Variants in PRKG1 observed in about 807,000 individuals in gnomAD.
PRKG1 encodes cGMP-dependent protein kinase 1.
In PRKG1, 35 loss-of-function variants were observed where a neutral mutation model predicts 88.1. That is an observed-to-expected ratio of 0.40 (90% confidence interval 0.30 to 0.53). PRKG1 has a LOEUF of 0.53. PRKG1 is among the 20% of genes least tolerant of loss of function. PRKG1 has a pLI of 0.59. For missense variants in PRKG1, 540 were observed against 839.8 expected (o/e 0.64, Z 4.41); for synonymous variants, 303 against 292.5 (o/e 1.04, Z -0.37).
intron 2 of PRKG1, among the ~76,000 whole-genome samples, chr10:51,177,903 T>C (rs1837239573): frequency 6.6e-6 from 1 of 152,070 alleles, no homozygotes; most frequent in Non-Finnish European, 1.5e-5. Context: ...ACATATATAC[T>C]ATAACCATAG....
At chr10:51,262,781 G>T (rs937498491) in intron 2 of PRKG1, among the ~76,000 whole-genome samples, 13 of 152,148 alleles carry the variant, frequency 8.5e-5, no homozygotes, top group African/African-American at 3.1e-4. Context: ...AGAGAAGGGG[G>T]AAGTGCCCAC....
At chr10:51,674,013 T>A (rs1366995235) in intron 3 of PRKG1, among the ~76,000 whole-genome samples, 2 of 152,102 alleles carry the variant, frequency 1.3e-5, no homozygotes, top group Non-Finnish European at 2.9e-5. Context: ...GTACCCTAAG[T>A]ATTGATTAGA....
At chr10:51,061,381 A>G (rs1843691013) in intron 1 of PRKG1, among the ~76,000 whole-genome samples, 1 of 152,194 alleles carries the variant, frequency 6.6e-6, no homozygotes, top group Non-Finnish European at 1.5e-5. Flanking sequence ...TCCCTCTCAC[A>G]ACACGGGAAT....
At chr10:51,863,026 C>T (rs1364019756) in intron 4 of PRKG1, among the ~76,000 whole-genome samples, 1 of 152,062 alleles carries the variant, frequency 6.6e-6, no homozygotes, top group Admixed American at 6.6e-5. Context: ...GAATATAAAT[C>T]TCATATCCTC....
intron 2 of PRKG1, among the ~76,000 whole-genome samples, chr10:51,273,108 G>A (rs189954290): frequency 4.6e-4 from 70 of 152,292 alleles, no homozygotes; most frequent in African/African-American, 1.7e-3. Flanking sequence ...CACTGGGCAT[G>A]GAGTCTTCTT....
chr10:51,455,438 T>A, intron 2 of PRKG1, among the ~76,000 whole-genome samples: 1 of 152,152 alleles, frequency 6.6e-6, no homozygotes, highest in Non-Finnish European at 1.5e-5. Flanking sequence ...AAAAAATGGG[T>A]TTTTCTTTCC....
chr10:51,144,588 G>A (rs995031335), intron 1 of PRKG1, among the ~76,000 whole-genome samples: 1 of 152,072 alleles, frequency 6.6e-6, no homozygotes, highest in Non-Finnish European at 1.5e-5. Flanking sequence ...TGGTTAAGAA[G>A]CTTGGTAACC....
At chr10:51,677,117 G>A (rs1022824635) in intron 3 of PRKG1, among the ~76,000 whole-genome samples, 7 of 152,022 alleles carry the variant, frequency 4.6e-5, no homozygotes, top group African/African-American at 1.7e-4. Context: ...CCTATTTCTG[G>A]GATGGAATTA....
intron 5 of PRKG1, among the ~76,000 whole-genome samples, chr10:52,030,075 G>A (rs2133207883): frequency 6.6e-6 from 1 of 152,252 alleles, no homozygotes; most frequent in South Asian, 2.1e-4. Flanking sequence ...AATCCCATCA[G>A]AGGCTTCATT....
intron 3 of PRKG1, among the ~76,000 whole-genome samples, chr10:51,559,657 G>C (rs1008919702): frequency 6.6e-6 from 1 of 151,962 alleles, no homozygotes; most frequent in African/African-American, 2.4e-5. Context: ...AGACATAAAA[G>C]GTTTTCATAA....
chr10:51,138,071 A>G (rs1017805969), intron 1 of PRKG1, among the ~76,000 whole-genome samples: 2 of 152,160 alleles, frequency 1.3e-5, no homozygotes, highest in South Asian at 2.1e-4. Flanking sequence ...TTACTTGTAG[A>G]TTTACTCCTC....
rs1413267103 is a variant in PRKG1, at chr10:52,118,236, C to A, written c.936-15604C>A. Among the ~76,000 whole-genome samples, 4 of 151,942 alleles carry A rather than the reference C, an allele frequency of 2.6e-5. No homozygotes were observed. The East Asian group carries it at 7.7e-4, about 29-fold the overall frequency. On this transcript the variant is annotated intron_variant, in intron 7 of 17. Coordinates refer to ENST00000373980, the MANE Select transcript of PRKG1 (RefSeq NM_006258.4). ...TTTTCTCTGTTTAAAGGATGTTTCT[C>A]TTTCCTTGTCTGTGAACTGACTGTT... is the stretch of plus-strand genomic sequence containing the variant.
chr10:52,083,240 C>T (rs992888159), intron 7 of PRKG1, among the ~76,000 whole-genome samples: 1 of 151,860 alleles, frequency 6.6e-6, no homozygotes. Context: ...GGTACAACAT[C>T]GTTCTTTGCA....
intron 7 of PRKG1, among the ~76,000 whole-genome samples, chr10:52,113,858 A>G (rs543198846): frequency 5.3e-5 from 8 of 152,284 alleles, no homozygotes; most frequent in East Asian, 3.9e-4. Context: ...TACAAATTGT[A>G]TCTATTGAGC....
Position 52,123,953 on chromosome 10 carries a change from C to A in PRKG1, c.936-9887C>A, listed in dbSNP as rs539930047. On this transcript the variant is annotated intron_variant, in intron 7 of 17. Coordinates refer to ENST00000373980, the MANE Select transcript of PRKG1 (RefSeq NM_006258.4). ...TTTCTTTTACTCAATCTCTGAATTC[C>A]AACTTTGCTTATGTTACAATAAGCT... 1.3e-4 allele frequency among the ~76,000 whole-genome samples: 20 copies of A among 152,178 alleles called. 1 individual carries two copies. The South Asian group carries it at 3.9e-3, about 30-fold the overall frequency.
chr10:51,663,991 T>C (rs1040730293), intron 3 of PRKG1, among the ~76,000 whole-genome samples: 1 of 152,054 alleles, frequency 6.6e-6, no homozygotes, highest in Non-Finnish European at 1.5e-5. Flanking sequence ...TTAAAAATTA[T>C]TTTGTTGAGT....
chr10:52,209,841 C>T (rs1384803453), intron 9 of PRKG1, among the ~76,000 whole-genome samples: 1 of 152,166 alleles, frequency 6.6e-6, no homozygotes, highest in African/African-American at 2.4e-5. Context: ...TCTCTCTCAC[C>T]TGAACCACCA....
intron 3 of PRKG1, among the ~76,000 whole-genome samples, chr10:51,540,875 C>T (rs971064394): frequency 6.6e-6 from 1 of 152,068 alleles, no homozygotes; most frequent in Admixed American, 6.5e-5. Flanking sequence ...CGTGCCACCA[C>T]TCCTGGCTAA....
At chr10:51,508,165 A>C (rs1273951914) in intron 3 of PRKG1, among the ~76,000 whole-genome samples, 2 of 152,184 alleles carry the variant, frequency 1.3e-5, no homozygotes, top group East Asian at 3.9e-4. Context: ...GAGACGGTAC[A>C]TGTAAAGCAT....
Sources: allele counts gnomAD v4.1 joint callset (sites outside exome capture counted in the v4.1 genomes callset), GRCh38; gene constraint gnomAD v4.1.1; transcripts MANE v1.5; gene names NCBI Gene and HGNC (gene_info 2026-07-23, HGNC 2026-07-21).